ATP13A4: variants seen among roughly 807,000 people sequenced by gnomAD.
The protein encoded by ATP13A4 is ATPase 13A4.
A neutral mutation model predicts 142.5 loss-of-function variants in ATP13A4; 114 were observed. That is an observed-to-expected ratio of 0.80 (90% CI 0.69 to 0.93). The LOEUF (loss-of-function observed/expected upper bound fraction) is 0.93, where lower values mean the gene tolerates loss of function less well. Among genes scored for constraint, ATP13A4 ranks in the 40% least tolerant of loss-of-function variants. ATP13A4 has a pLI of 0.00. For synonymous variants in ATP13A4, 488 were observed against 514.8 expected, an observed-to-expected ratio of 0.95 and a Z score of 0.70; for missense variants, 1,392 against 1,454.0, an observed-to-expected ratio of 0.96 and a Z score of 0.69.
chr3:193,500,661 C>A (rs1360068269), intron 3 of ATP13A4, among the ~76,000 whole-genome samples: 1 of 152,194 alleles, frequency 6.6e-6, no homozygotes, highest in Admixed American at 6.5e-5. Flanking sequence ...TAATGCTCGC[C>A]GGCTTGCCAG....
rs544050292 is a variant in ATP13A4 at position 193,404,262 on chromosome 3, C to T, written c.3379-1398G>A. ...TTAAAACAAAATAGATGAAACCACACACACACACACACAGAGAGAGAAACT... is the reference window on the plus strand; with the variant it reads ...TTAAAACAAAATAGATGAAACCACATACACACACACACAGAGAGAGAAACT... On this transcript the variant is annotated intron_variant, in intron 29 of 29. Transcript: ENST00000342695. 42 of 461,910 alleles carry T rather than the reference C, an allele frequency of 9.1e-5. No individual in the cohort carries two copies. In the East Asian group the frequency reaches 3.4e-3, roughly 38 times the overall value. 28.6% of individuals were successfully genotyped at this position (461,910 alleles called of 1,614,324 possible).
upstream of ATP13A4, chr3:193,555,217 A>G: frequency 3.2e-6 from 1 of 308,520 alleles, no homozygotes; most frequent in East Asian, 7.8e-5. Context: ...AGCGGGTGCA[A>G]GAACTCCCAG....
chr3:193,431,498 T>A (rs947137207), intron 25 of ATP13A4, among the ~76,000 whole-genome samples: 3 of 151,950 alleles, frequency 2.0e-5, no homozygotes, highest in African/African-American at 7.3e-5. Context: ...AGACAGCGGA[T>A]CCAAGAACAA....
chr3:193,448,069 CT>C (rs1560193704), intron 18 of ATP13A4, 136 bp downstream of exon 18: 1 of 1,174,958 alleles, frequency 8.5e-7, no homozygotes. Context: ...GTAAATGTGC[CT>C]TTTTGTTGCC....
intron 18 of ATP13A4, among the ~76,000 whole-genome samples, chr3:193,443,697 T>A (rs1716786471): frequency 6.6e-6 from 1 of 152,220 alleles, no homozygotes; most frequent in Non-Finnish European, 1.5e-5. Context: ...ACAATGGTTT[T>A]TAAAGCAGCT....
intron 25 of ATP13A4, among the ~76,000 whole-genome samples, chr3:193,418,323 A>C (rs1310095962): frequency 6.7e-6 from 1 of 148,458 alleles, no homozygotes. Flanking sequence ...TCTCAAAAAA[A>C]AAAAAAAGAA....
At chr3:193,496,797 C>CATAA (rs4019217) in intron 3 of ATP13A4, among the ~76,000 whole-genome samples, 8,838 of 145,584 alleles carry the variant, frequency 0.061, 312 homozygotes, top group Middle Eastern at 0.066. Flanking sequence ...TCTCAAAATA[C>CATAA]ATAAATAAAT....
At chr3:193,541,578 TTC>T (rs1271963093) in intron 1 of ATP13A4, among the ~76,000 whole-genome samples, 4 of 152,174 alleles carry the variant, frequency 2.6e-5, no homozygotes. Context: ...AGATTGGAAA[TTC>T]TGTTTCTTTC....
intron 12 of ATP13A4, 69 bp from the exon 13 acceptor site, chr3:193,462,892 C>A: frequency 6.7e-7 from 1 of 1,495,578 alleles, no homozygotes; most frequent in African/African-American, 1.4e-5. Flanking sequence ...TGCCTGTAAT[C>A]CCAGCACTAC....
chr3:193,483,236 A>T (rs1719394535), intron 8 of ATP13A4, among the ~76,000 whole-genome samples: 1 of 152,190 alleles, frequency 6.6e-6, no homozygotes, highest in South Asian at 2.1e-4. Flanking sequence ...CAGAAAGCTG[A>T]TAAATGATTG....
intron 2 of ATP13A4, among the ~76,000 whole-genome samples, chr3:193,508,635 A>G (rs1720978849): frequency 1.3e-5 from 2 of 152,254 alleles, no homozygotes; most frequent in East Asian, 1.9e-4. Context: ...CATTTCTCAG[A>G]GGCCAGCTCA....
chr3:193,517,849 C>T (rs958362517), intron 1 of ATP13A4, among the ~76,000 whole-genome samples: 3 of 152,156 alleles, frequency 2.0e-5, no homozygotes, highest in African/African-American at 7.2e-5. Context: ...TATTAAAATC[C>T]TTGCCTCTGT....
chr3:193,523,584 A>G (rs1721840614), intron 1 of ATP13A4, among the ~76,000 whole-genome samples: 1 of 152,200 alleles, frequency 6.6e-6, no homozygotes, highest in African/African-American at 2.4e-5. Flanking sequence ...GACAAACACA[A>G]CCATTTACCA....
intron 2 of ATP13A4, among the ~76,000 whole-genome samples, chr3:193,510,169 G>T (rs1721069323): frequency 6.6e-6 from 1 of 152,166 alleles, no homozygotes; most frequent in Non-Finnish European, 1.5e-5. Context: ...GCGACCCAGT[G>T]AACACAGATG....
rs565008529 is a variant in ATP13A4 at position 193,491,459 on chromosome 3, C to T, written c.534-61G>A. ...TAATAAAATTAAAACTGACTCCTCA[C>T]CTATTCAGAAAAAGGTCTATTCCAT... On this transcript the variant is annotated intron_variant, in intron 5 of 29. Coordinates refer to ENST00000342695, the MANE Select transcript of ATP13A4 (RefSeq NM_032279.4). The T allele has an allele frequency of 1.1e-5, 13 of 1,226,754 alleles. No individual in the cohort carries two copies. The East Asian group carries it at 2.6e-4, about 24-fold the overall frequency. 76.0% of individuals were successfully genotyped at this position (1,226,754 alleles called of 1,614,324 possible).
chr3:193,466,485 G>T (rs930374819), intron 10 of ATP13A4, among the ~76,000 whole-genome samples: 2 of 152,166 alleles, frequency 1.3e-5, no homozygotes, highest in Non-Finnish European at 2.9e-5. Flanking sequence ...TTAAGAAAAT[G>T]ACTCAAACGT....
At chr3:193,521,522 G>A (rs1450129673) in intron 1 of ATP13A4, among the ~76,000 whole-genome samples, 1 of 152,172 alleles carries the variant, frequency 6.6e-6, no homozygotes, top group Non-Finnish European at 1.5e-5. Flanking sequence ...CTAATGTTAC[G>A]ATTAACCTAA....
At chr3:193,488,798 T>C (rs973680111) in intron 7 of ATP13A4, among the ~76,000 whole-genome samples, 1 of 152,226 alleles carries the variant, frequency 6.6e-6, no homozygotes, top group African/African-American at 2.4e-5. Context: ...GTTTGAGTTT[T>C]GTTTTTAAGT....
At chr3:193,550,648 T>C (rs1411538655) in intron 1 of ATP13A4, among the ~76,000 whole-genome samples, 4 of 152,238 alleles carry the variant, frequency 2.6e-5, no homozygotes, top group Non-Finnish European at 5.9e-5. Context: ...TCATGAAGCA[T>C]ATTTACTTCA....
Sources: allele counts gnomAD v4.1 joint callset (sites outside exome capture counted in the v4.1 genomes callset), GRCh38; gene constraint gnomAD v4.1.1; transcripts MANE v1.5; gene names NCBI Gene and HGNC (gene_info 2026-07-23, HGNC 2026-07-21).